The following EVC variants were observed in gnomAD, a reference collection of about 807,000 sequenced individuals.
EVC encodes EvC ciliary complex subunit 1, also known as evC complex member EVC.
A neutral mutation model predicts 118.9 loss-of-function variants in EVC; 116 were observed. That is an observed-to-expected ratio of 0.98 (90% CI 0.84 to 1.14). EVC has a LOEUF of 1.14. Ranked by LOEUF, EVC falls within the 50% of genes most tolerant of loss-of-function variation. The pLI, the probability that EVC is intolerant of heterozygous loss-of-function variation, is 0.00. For synonymous variants in EVC, 619 were observed against 534.7 expected, an observed-to-expected ratio of 1.16 and a Z score of -2.18; for missense variants, 1,401 against 1,246.4, an observed-to-expected ratio of 1.12 and a Z score of -1.87.
intron 5 of EVC, among the ~76,000 whole-genome samples, chr4:5,740,206 C>T (rs1728304871): frequency 6.6e-6 from 1 of 152,142 alleles, no homozygotes; most frequent in African/African-American, 2.4e-5. Flanking sequence ...ATGGTTGGCT[C>T]ACGCCTATAA....
chr4:5,721,280 A>G (rs1419131150), intron 2 of EVC, among the ~76,000 whole-genome samples: 12 of 152,220 alleles, frequency 7.9e-5, no homozygotes, highest in East Asian at 5.8e-4. Flanking sequence ...GAAAAACTGG[A>G]AAAATAAAAT....
intron 2 of EVC, among the ~76,000 whole-genome samples, chr4:5,723,138 C>G (rs942825784): frequency 2.2e-4 from 34 of 151,908 alleles, no homozygotes; most frequent in African/African-American, 6.5e-4. Context: ...CCTCCATCCC[C>G]AGGTGCTGCG....
chr4:5,745,489 T>A, intron 7 of EVC, 148 bp downstream of exon 7: 1 of 790,518 alleles, frequency 1.3e-6, no homozygotes, highest in East Asian at 2.7e-5. Context: ...CAGTTTCTGA[T>A]GCTAAGTGAT....
At position 5,798,026 on chromosome 4, in the gene EVC, G is replaced by T. The variant is rs886942119; in HGVS notation, c.2098-560G>T. Among the ~76,000 whole-genome samples, 2 of 152,134 alleles carry T rather than the reference G, an allele frequency of 1.3e-5. No individual in the cohort carries two copies. The highest frequency in any genetic ancestry group is 4.8e-5 in the African/African-American group (2 of 41,424). On this transcript the variant is annotated intron_variant, in intron 14 of 20. Coordinates refer to ENST00000264956, the MANE Select transcript of EVC (RefSeq NM_153717.3). This position sits in a 1 kb window ranked among gnomAD's most constrained non-coding sequence, Gnocchi z 4.1. ...TGCTGCTCTTTGACCCATGAATGAGGCACAAGCCCACAGTCTCTTAAGCTC... is the reference window on the plus strand; with the variant it reads ...TGCTGCTCTTTGACCCATGAATGAGTCACAAGCCCACAGTCTCTTAAGCTC...
At chr4:5,778,216 A>AT (rs1431899366) in intron 11 of EVC, among the ~76,000 whole-genome samples, 3 of 151,394 alleles carry the variant, frequency 2.0e-5, no homozygotes, top group Non-Finnish European at 4.4e-5. Flanking sequence ...TATGTGACAC[A>AT]TTTTCTTAAT....
At chr4:5,792,658 T>C (rs1713012070) in intron 12 of EVC, among the ~76,000 whole-genome samples, 1 of 152,214 alleles carries the variant, frequency 6.6e-6, no homozygotes, top group Admixed American at 6.5e-5. Flanking sequence ...TTATGGATAA[T>C]ATGAATGTCT....
At chr4:5,760,119 G>T (rs10017373) in intron 11 of EVC, among the ~76,000 whole-genome samples, 97,258 of 151,876 alleles carry the variant, frequency 0.64, 31,541 homozygotes, top group South Asian at 0.77. Flanking sequence ...AGAGATAACT[G>T]TGAATAGATG....
intron 12 of EVC, among the ~76,000 whole-genome samples, chr4:5,792,861 G>T (rs767691127): frequency 2.6e-5 from 4 of 152,110 alleles, no homozygotes; most frequent in Non-Finnish European, 4.4e-5. Flanking sequence ...GTGTATAAGG[G>T]CTTAAGGGAG....
At chr4:5,741,131 A>G (rs74342201) in intron 5 of EVC, among the ~76,000 whole-genome samples, 5,522 of 152,336 alleles carry the variant, frequency 0.036, 127 homozygotes, top group Middle Eastern at 0.075. Context: ...GTTCACACAA[A>G]TGTTCACAGC....
rs374105993 is a variant in EVC at position 5,716,090 on chromosome 4, G to T, written c.175-3158G>T. Among the ~76,000 whole-genome samples the T allele has an allele frequency of 2.8e-3, 426 of 152,276 alleles. 2 individuals carry two copies. Among genetic ancestry groups the T allele is most frequent in the African/African-American group, 0.01 (416 of 41,548 alleles). On this transcript the variant is annotated intron_variant, in intron 1 of 20. Coordinates refer to ENST00000264956, the MANE Select transcript of EVC (RefSeq NM_153717.3). ...GAACCAAACTGGGTTCCACTCACCT[G>T]GCACAGTAAGACCAGATAGCGACAC...
At chr4:5,790,065 C>A (rs150321609) in intron 12 of EVC, among the ~76,000 whole-genome samples, 2,196 of 151,520 alleles carry the variant, frequency 0.014, 47 homozygotes, top group African/African-American at 0.049. Context: ...CCAGTAATCC[C>A]AGCTACTTGG....
the EVC span, chr4:5,825,279 C>G: frequency 1.0e-6 from 1 of 985,296 alleles, no homozygotes; most frequent in Non-Finnish European, 1.2e-6. The surrounding 1 kb of genome is among the most constrained non-coding windows in gnomAD (Gnocchi z 4.4). Context: ...TCAGGTACCA[C>G]CATGTTGCCC....
intron 15 of EVC, 68 bp from the exon 16 acceptor site, chr4:5,801,882 T>A: frequency 6.4e-7 from 1 of 1,568,224 alleles, no homozygotes; most frequent in Non-Finnish European, 8.7e-7. Flanking sequence ...AGGCAGGGAC[T>A]GGATGGGCCG....
At chr4:5,771,421 G>A (rs1733937369) in intron 11 of EVC, among the ~76,000 whole-genome samples, 2 of 152,072 alleles carry the variant, frequency 1.3e-5, no homozygotes, top group South Asian at 4.1e-4. Context: ...TGATGACATT[G>A]GAGCCAACAG....
In EVC at chr4:5,756,823, G is replaced by A. The variant is rs1209209936; in HGVS notation, c.1563+461G>A. On this transcript the variant is annotated intron_variant, in intron 11 of 20. Coordinates refer to ENST00000264956, the MANE Select transcript of EVC (RefSeq NM_153717.3). This position sits in a 1 kb window ranked among gnomAD's most constrained non-coding sequence, Gnocchi z 4.2. ...AGGTGAAGCTGGCCATGCTTGCCCT[G>A]CAGGGTGACTTTCAGAGAGCAGGAG... Among the ~76,000 whole-genome samples the A allele has an allele frequency of 6.6e-6, 1 of 152,134 alleles. No individual in the cohort carries two copies. Among genetic ancestry groups the A allele is most frequent in the Non-Finnish European group, 1.5e-5 (1 of 68,030 alleles).
chr4:5,730,582 G>A (rs1311343974), intron 3 of EVC, among the ~76,000 whole-genome samples: 1 of 152,070 alleles, frequency 6.6e-6, no homozygotes, highest in Non-Finnish European at 1.5e-5. Flanking sequence ...CCACCCTGGA[G>A]GCCCTCACTG....
intron 8 of EVC, among the ~76,000 whole-genome samples, chr4:5,751,868 A>T (rs958833021): frequency 1.3e-5 from 2 of 152,172 alleles, no homozygotes; most frequent in Non-Finnish European, 2.9e-5. Context: ...CCGCATGTGC[A>T]GAGGCTGGGC....
At chr4:5,805,029 C>T (rs1230361432) in intron 17 of EVC, among the ~76,000 whole-genome samples, 188 bp downstream of exon 17, 1 of 152,112 alleles carries the variant, frequency 6.6e-6, no homozygotes, top group Non-Finnish European at 1.5e-5. Flanking sequence ...TGGCACCTGG[C>T]ACAAATGAGT....
chr4:5,747,702 A>G (rs995750941), intron 7 of EVC, among the ~76,000 whole-genome samples: 2 of 152,258 alleles, frequency 1.3e-5, no homozygotes, highest in African/African-American at 4.8e-5. Context: ...CCTCTCTGCC[A>G]TATTAAGCTT....
Sources: gnomAD v4.1 joint callset for allele counts (sites outside exome capture counted in the v4.1 genomes callset) on GRCh38, gnomAD v4.1.1 for gene constraint, Gnocchi (gnomAD v3.1) non-coding constraint, MANE v1.5 for transcripts, NCBI Gene and HGNC (gene_info 2026-07-23, HGNC 2026-07-21) for gene names.